Variants in CSMD1 observed in about 807,000 individuals in gnomAD.
CSMD1 encodes CUB and sushi domain-containing protein 1.
In CSMD1, 213 loss-of-function variants were observed where a neutral mutation model predicts 417.5. The ratio of observed to expected loss-of-function variants is 0.51; its 90% confidence interval spans 0.46 to 0.57. CSMD1 has a LOEUF of 0.57. CSMD1 is among the 20% of genes least tolerant of loss of function. The probability of loss-of-function intolerance (pLI) is 0.00; values close to 1 mark genes in which losing one functional copy is unlikely to be tolerated. For missense variants in CSMD1, 6,923 were observed against 4,529.7 expected (o/e 1.53, Z -15.17); for synonymous variants, 2,862 against 1,736.8 (o/e 1.65, Z -16.11).
chr8:3,595,482 G>T (rs940854051), intron 8 of CSMD1, among the ~76,000 whole-genome samples: 3 of 152,146 alleles, frequency 2.0e-5, no homozygotes, highest in African/African-American at 7.2e-5. Context: ...TCAGAGAGTA[G>T]ATGGAACTCT....
At chr8:4,713,167 TG>T in intron 1 of CSMD1, among the ~76,000 whole-genome samples, 1 of 152,198 alleles carries the variant, frequency 6.6e-6, no homozygotes, top group East Asian at 1.9e-4. Flanking sequence ...GTTCCCCGGG[TG>T]GGGAAACACA....
rs562512107 is a variant in CSMD1, at chr8:3,236,197, T to C, written c.4154-5966A>G. Among the ~76,000 whole-genome samples, 7 of 152,148 alleles carry C rather than the reference T, an allele frequency of 4.6e-5. No individual in the cohort carries two copies. In the East Asian group the frequency reaches 5.8e-4, roughly 13 times the overall value. ...ACTCCGAAAGTGCTGGGAATACAGG[T>C]GTGAGCCACCGCGCCTCGCCGAAAA... On this transcript the variant is annotated intron_variant, in intron 26 of 69. Transcript: ENST00000635120.
chr8:4,807,524 G>T (rs940065409), intron 1 of CSMD1, among the ~76,000 whole-genome samples: 1 of 152,152 alleles, frequency 6.6e-6, no homozygotes, highest in South Asian at 2.1e-4. Context: ...AGACAAACCA[G>T]AGAGCAGGAC....
chr8:4,023,328 T>C (rs1476935267), intron 4 of CSMD1, among the ~76,000 whole-genome samples: 1 of 152,186 alleles, frequency 6.6e-6, no homozygotes, highest in Non-Finnish European at 1.5e-5. Flanking sequence ...TATTTCTGTT[T>C]GAGCCCATTA....
At chr8:4,449,774 A>C (rs1799023338) in intron 2 of CSMD1, among the ~76,000 whole-genome samples, 1 of 152,120 alleles carries the variant, frequency 6.6e-6, no homozygotes, top group Non-Finnish European at 1.5e-5. Flanking sequence ...AGTTGGGAGC[A>C]GCTATGTTTG....
At chr8:3,975,294 C>G (rs1391463567) in intron 5 of CSMD1, among the ~76,000 whole-genome samples, 1 of 151,862 alleles carries the variant, frequency 6.6e-6, no homozygotes, top group African/African-American at 2.4e-5. Context: ...TATTTTATAC[C>G]TTTTTTACAC....
intron 5 of CSMD1, among the ~76,000 whole-genome samples, chr8:3,826,437 G>A (rs1802059350): frequency 6.6e-6 from 1 of 152,148 alleles, no homozygotes; most frequent in Non-Finnish European, 1.5e-5. Flanking sequence ...GCTCTTCTGG[G>A]CTTCCCTTGC....
intron 3 of CSMD1, among the ~76,000 whole-genome samples, chr8:4,351,156 A>G (rs1180385063): frequency 2.6e-5 from 4 of 151,884 alleles, no homozygotes; most frequent in African/African-American, 9.7e-5. Context: ...CCATCTCTAA[A>G]AAAAAAAAAA....
intron 2 of CSMD1, among the ~76,000 whole-genome samples, chr8:4,576,730 A>C (rs1047008654): frequency 6.6e-6 from 1 of 152,126 alleles, no homozygotes; most frequent in African/African-American, 2.4e-5. Context: ...AACTTAACTA[A>C]ATTTTCAGAA....
intron 54 of CSMD1, among the ~76,000 whole-genome samples, chr8:2,997,187 G>A (rs946816786): frequency 6.6e-6 from 1 of 152,232 alleles, no homozygotes; most frequent in Non-Finnish European, 1.5e-5. Context: ...ATTTTAGGGG[G>A]AAACAGAGGT....
chr8:3,248,795 C>CTA lies in CSMD1; in HGVS notation c.4154-18565_4154-18564insTA, dbSNP rs561095221. Reference sequence around the variant, plus strand: ...GTGTCCATAGCTAGGGACAATTTTACCCTATTCTCTTGTTCACTTGGCTAA... The same window carrying CTA: ...GTGTCCATAGCTAGGGACAATTTTACTACCTATTCTCTTGTTCACTTGGCTAA... On this transcript the variant is annotated intron_variant, in intron 26 of 69. Coordinates refer to ENST00000635120, the MANE Select transcript of CSMD1 (RefSeq NM_033225.6). Among the ~76,000 whole-genome samples, 296 of 152,108 alleles carry CTA rather than the reference C, an allele frequency of 1.9e-3. 2 individuals are homozygous for CTA. The highest frequency in any genetic ancestry group is 6.9e-3 in the African/African-American group (285 of 41,496).
intron 18 of CSMD1, among the ~76,000 whole-genome samples, chr8:3,378,659 C>A (rs1810458477): frequency 6.6e-6 from 1 of 152,170 alleles, no homozygotes; most frequent in African/African-American, 2.4e-5. Flanking sequence ...ACATGATTAT[C>A]TCAAGAGATG....
chr8:4,475,856 A>T (rs560773893), intron 2 of CSMD1, among the ~76,000 whole-genome samples: 1 of 152,124 alleles, frequency 6.6e-6, no homozygotes, highest in African/African-American at 2.4e-5. Context: ...CAGGTGATCC[A>T]CCTGCCTTAC....
intron 3 of CSMD1, among the ~76,000 whole-genome samples, chr8:4,052,417 G>A (rs1377608901): frequency 6.6e-6 from 1 of 152,098 alleles, no homozygotes; most frequent in Non-Finnish European, 1.5e-5. Flanking sequence ...GTTCCATATT[G>A]GAGATCCCAA....
intron 3 of CSMD1, among the ~76,000 whole-genome samples, chr8:4,187,909 T>A (rs1798780205): frequency 6.6e-6 from 1 of 152,090 alleles, no homozygotes; most frequent in African/African-American, 2.4e-5. Context: ...TATCATGCAT[T>A]TGTTGTTAAT....
intron 12 of CSMD1, among the ~76,000 whole-genome samples, chr8:3,454,835 T>C (rs1484848359): frequency 6.6e-6 from 1 of 152,196 alleles, no homozygotes; most frequent in East Asian, 1.9e-4. Context: ...ATTCTCTGTA[T>C]TTCCTGAATT....
intron 10 of CSMD1, among the ~76,000 whole-genome samples, chr8:3,552,164 G>A (rs894898978): frequency 3.3e-5 from 5 of 152,188 alleles, no homozygotes; most frequent in East Asian, 1.9e-4. Flanking sequence ...AGAAAGAGGT[G>A]AGATTTTCTG....
intron 2 of CSMD1, among the ~76,000 whole-genome samples, chr8:4,590,709 G>T (rs1197258224): frequency 6.6e-6 from 1 of 152,126 alleles, no homozygotes; most frequent in Non-Finnish European, 1.5e-5. Flanking sequence ...TGAATAGATA[G>T]ATTTTTTGTT....
At chr8:3,022,577 A>T (rs1408906654) in intron 51 of CSMD1, among the ~76,000 whole-genome samples, 5 of 152,154 alleles carry the variant, frequency 3.3e-5, no homozygotes, top group Non-Finnish European at 7.3e-5. Flanking sequence ...ATCAGTTCTC[A>T]TACCTGTAAG....
Sources: allele counts gnomAD v4.1 joint callset (sites outside exome capture counted in the v4.1 genomes callset), GRCh38; gene constraint gnomAD v4.1.1; transcripts MANE v1.5; gene names NCBI Gene and HGNC (gene_info 2026-07-23, HGNC 2026-07-21).